Variants in ACER3 observed in about 807,000 individuals in gnomAD.
ACER3 encodes alkaline ceramidase 3.
Under a neutral mutation model 48.9 loss-of-function variants are expected in ACER3, and 16 were observed. The observed-to-expected ratio is 0.33, with a 90% CI of 0.22 to 0.50. The LOEUF (loss-of-function observed/expected upper bound fraction) is 0.50. Ranked by LOEUF, ACER3 falls within the 20% of genes least tolerant of loss-of-function variation. The pLI is 0.98. For missense variants in ACER3, 227 were observed against 326.0 expected (o/e 0.70, Z 2.34); for synonymous variants, 109 against 107.8 (o/e 1.01, Z -0.07).
At chr11:77,000,021 C>T (rs917986037) in intron 7 of ACER3, among the ~76,000 whole-genome samples, 7 of 152,164 alleles carry the variant, frequency 4.6e-5, no homozygotes, top group African/African-American at 1.7e-4. Flanking sequence ...TAGTTTTTCT[C>T]AAAACTGCTG....
chr11:76,891,249 TATATATATAATA>T (rs1307946097), intron 1 of ACER3, among the ~76,000 whole-genome samples: 1 of 33,038 alleles, frequency 3.0e-5, no homozygotes, highest in Non-Finnish European at 2.1e-4. Context: ...ATATATATAA[TATATATATAATA>T]TATATATATA....
At chr11:76,978,594 G>C (rs946997532) in intron 4 of ACER3, 1 of 152,370 alleles carries the variant, frequency 6.6e-6, no homozygotes, top group African/African-American at 2.4e-5. Context: ...TGCAGGACAA[G>C]AACTTAGGAC....
At chr11:76,909,532 C>T (rs1411561141) in intron 1 of ACER3, among the ~76,000 whole-genome samples, 2 of 152,286 alleles carry the variant, frequency 1.3e-5, no homozygotes, top group East Asian at 3.9e-4. Context: ...CTAATCATCA[C>T]CGGTCATTAG....
chr11:76,912,985 A>T (rs1479719155), intron 1 of ACER3, among the ~76,000 whole-genome samples: 2 of 152,144 alleles, frequency 1.3e-5, no homozygotes, highest in Non-Finnish European at 2.9e-5. Context: ...AGGTTTTAGG[A>T]TAGGAAAGAA....
intron 6 of ACER3, among the ~76,000 whole-genome samples, chr11:76,996,631 T>C (rs916035001): frequency 3.6e-4 from 55 of 151,098 alleles, no homozygotes; most frequent in African/African-American, 1.3e-3. Context: ...TGTTGGCCAG[T>C]CTGGTCTCAA....
rs562215004 is a variant in ACER3, at chr11:76,888,594, G to T, written c.103+27515G>T. On this transcript the variant is annotated intron_variant, in intron 1 of 10. Coordinates refer to ENST00000532485, the MANE Select transcript of ACER3 (RefSeq NM_018367.7). The stretch of plus-strand genomic sequence containing the variant: ...TTTTCTGTGGTTATAGGACTGAGAG[G>T]CTTCAGTTTCTTGTTGGCTTTTGGA... Among the ~76,000 whole-genome samples the T allele has an allele frequency of 3.9e-5, 6 of 152,312 alleles. No homozygotes were observed. In the East Asian group the frequency reaches 5.8e-4, roughly 15 times the overall value.
At chr11:76,965,952 A>C (rs551965133) in intron 3 of ACER3, among the ~76,000 whole-genome samples, 1 of 151,294 alleles carries the variant, frequency 6.6e-6, no homozygotes, top group Non-Finnish European at 1.5e-5. Flanking sequence ...AAATTCACAC[A>C]TAACAATATT....
intron 2 of ACER3, among the ~76,000 whole-genome samples, chr11:76,928,638 T>C (rs1399275845): frequency 6.6e-6 from 1 of 152,250 alleles, no homozygotes; most frequent in Non-Finnish European, 1.5e-5. Flanking sequence ...AATTTTTGTA[T>C]AAGGTGTAAG....
At chr11:76,875,412 G>A (rs777431678) in intron 1 of ACER3, among the ~76,000 whole-genome samples, 3 of 151,752 alleles carry the variant, frequency 2.0e-5, no homozygotes, top group African/African-American at 7.3e-5. Context: ...CACCGCGCCC[G>A]GCCAACATTT....
intron 1 of ACER3, among the ~76,000 whole-genome samples, chr11:76,886,962 G>A (rs980826355): frequency 2.6e-5 from 4 of 152,186 alleles, no homozygotes; most frequent in Admixed American, 6.5e-5. Context: ...ACAGGCGTGA[G>A]CCATACCACC....
In ACER3 at chr11:76,958,989, G is replaced by A. The variant is rs530818806; in HGVS notation, c.225G>A (p.Met75Ile). 1.2e-6 allele frequency: 2 copies of A among 1,613,954 alleles called. No individual in the cohort carries two copies. The highest frequency in any genetic ancestry group is 2.2e-5 in the East Asian group (1 of 44,846). Residue 75 changes from methionine to isoleucine, a missense_variant, in exon 3 of 11, where the codon ATG becomes ATA. By Grantham distance (10) the Met-to-Ile change is conservative. Coordinates refer to ENST00000532485, the MANE Select transcript of ACER3 (RefSeq NM_018367.7). ...TTTGTTTAATTTCAGTGGTAGGAAT[G>A]GGATCCTGGTGCTTCCACATGACTC... ...ASYLALTVVGMGSWCFHMTLK... is the reference protein window; with the variant it reads ...ASYLALTVVGIGSWCFHMTLK...
intron 9 of ACER3, among the ~76,000 whole-genome samples, chr11:77,017,766 GT>G: frequency 6.6e-6 from 1 of 152,072 alleles, no homozygotes; most frequent in Non-Finnish European, 1.5e-5. Flanking sequence ...CAGGTATTGT[GT>G]TTTTTACAAG....
At chr11:76,937,271 A>G in intron 2 of ACER3, among the ~76,000 whole-genome samples, 1 of 152,224 alleles carries the variant, frequency 6.6e-6, no homozygotes, top group East Asian at 1.9e-4. Flanking sequence ...TTCTTCTTGC[A>G]TTGCTGATGA....
At chr11:77,003,139 T>C (rs1257612341) in intron 7 of ACER3, among the ~76,000 whole-genome samples, 1 of 152,230 alleles carries the variant, frequency 6.6e-6, no homozygotes, top group Non-Finnish European at 1.5e-5. Context: ...TTTAACATAA[T>C]AAAATGTTTA....
At chr11:76,994,376 C>T (rs1200320446) in intron 6 of ACER3, 3 of 349,398 alleles carry the variant, frequency 8.6e-6, no homozygotes, top group South Asian at 2.1e-5. Flanking sequence ...GTGATCTGCC[C>T]GCCTTGGCCT....
intron 7 of ACER3, among the ~76,000 whole-genome samples, chr11:77,005,714 T>C (rs1212119843): frequency 6.6e-6 from 1 of 151,874 alleles, no homozygotes; most frequent in Admixed American, 6.6e-5. Context: ...TCTCTGTGTC[T>C]TCACATAGCT....
intron 6 of ACER3, among the ~76,000 whole-genome samples, chr11:76,997,907 T>A (rs1948948551): frequency 6.7e-6 from 1 of 149,482 alleles, no homozygotes; most frequent in Non-Finnish European, 1.5e-5. Flanking sequence ...AGTATTATTA[T>A]TACTTAGGAA....
intron 1 of ACER3, among the ~76,000 whole-genome samples, chr11:76,902,605 G>C (rs928082168): frequency 6.6e-6 from 1 of 152,158 alleles, no homozygotes; most frequent in Non-Finnish European, 1.5e-5. Context: ...ACTTTTCTCT[G>C]CTTCTTGGGA....
At chr11:76,972,524 T>C (rs1422846362) in intron 3 of ACER3, among the ~76,000 whole-genome samples, 2 of 152,186 alleles carry the variant, frequency 1.3e-5, no homozygotes, top group Non-Finnish European at 1.5e-5. Context: ...GCAAATATTT[T>C]CTTCTGTGAG....
Sources: allele counts gnomAD v4.1 joint callset (sites outside exome capture counted in the v4.1 genomes callset), GRCh38; gene constraint gnomAD v4.1.1; transcripts MANE v1.5; gene names NCBI Gene and HGNC (gene_info 2026-07-23, HGNC 2026-07-21).